The following XIRP2 variants were observed in gnomAD, a reference collection of about 807,000 sequenced individuals.
XIRP2 encodes the protein xin actin-binding repeat-containing protein 2.
Under a neutral mutation model 277.0 loss-of-function variants are expected in XIRP2, and 236 were observed. The observed-to-expected ratio is 0.85, with a 90% CI of 0.77 to 0.95. XIRP2 has a LOEUF of 0.95. Among genes scored for constraint, XIRP2 ranks in the 40% least tolerant of loss-of-function variants. XIRP2 has a pLI of 0.00. For synonymous variants in XIRP2, 1,490 were observed against 1,416.5 expected, an observed-to-expected ratio of 1.05 and a Z score of -1.17; for missense variants, 4,640 against 4,157.5, an observed-to-expected ratio of 1.12 and a Z score of -3.19.
At chr2:167,112,937 G>A (rs911062708) in intron 2 of XIRP2, among the ~76,000 whole-genome samples, 11 of 152,072 alleles carry the variant, frequency 7.2e-5, no homozygotes, top group Non-Finnish European at 1.0e-4. Flanking sequence ...TTACAGGCAC[G>A]AACCACCATG....
intron 2 of XIRP2, among the ~76,000 whole-genome samples, chr2:167,095,945 C>T (rs917155565): frequency 1.5e-5 from 2 of 131,316 alleles, no homozygotes; most frequent in African/African-American, 5.4e-5. Flanking sequence ...ATGATCTTGG[C>T]TCACTGCAAG....
intron 3 of XIRP2, among the ~76,000 whole-genome samples, chr2:167,190,391 C>T (rs954853882): frequency 1.3e-5 from 2 of 152,162 alleles, no homozygotes; most frequent in Non-Finnish European, 2.9e-5. Context: ...CTACCCCCCA[C>T]TCCTGACTGC....
At chr2:166,982,110 T>C (rs552278381) in intron 2 of XIRP2, among the ~76,000 whole-genome samples, 9 of 152,274 alleles carry the variant, frequency 5.9e-5, no homozygotes, top group Non-Finnish European at 8.8e-5. Flanking sequence ...ATATTTTCAA[T>C]GAACATAGAA....
At chr2:167,084,665 C>T (rs553271681) in intron 2 of XIRP2, among the ~76,000 whole-genome samples, 59 of 152,084 alleles carry the variant, frequency 3.9e-4, no homozygotes, top group Non-Finnish European at 7.1e-4. Context: ...CTGGTTTAGT[C>T]TTGGGAGAGT....
rs11891966 is a variant in XIRP2, at chr2:166,957,945, C to T, written c.408+54055C>T. Among the ~76,000 whole-genome samples, 967 of 151,922 alleles carry T rather than the reference C, an allele frequency of 6.4e-3. 14 individuals carry two copies. The highest frequency in any genetic ancestry group is 0.022 in the African/African-American group (918 of 41,508). On this transcript the variant is annotated intron_variant, in intron 2 of 10. Coordinates refer to ENST00000409195, the MANE Select transcript of XIRP2 (RefSeq NM_152381.6). Reference sequence around the variant, plus strand: ...ACTTCCTGTGGTATCTTACATCCTTCTCTCAGTGTGATTGCTAGCTACTTC... The same window carrying T: ...ACTTCCTGTGGTATCTTACATCCTTTTCTCAGTGTGATTGCTAGCTACTTC...
In XIRP2 at chr2:167,218,803, A is replaced by G. The variant is rs191927794; in HGVS notation, c.858+503A>G. Reference sequence around the variant, plus strand: ...TAAAACCACATAATATGACCTCCAAATGTTATCTTATATAAATTTTTTTCC... The same window carrying G: ...TAAAACCACATAATATGACCTCCAAGTGTTATCTTATATAAATTTTTTTCC... On this transcript the variant is annotated intron_variant, in intron 5 of 10. Coordinates refer to ENST00000409195, the MANE Select transcript of XIRP2 (RefSeq NM_152381.6). 1.2e-4 allele frequency among the ~76,000 whole-genome samples: 19 copies of G among 152,216 alleles called. No individual in the cohort carries two copies. The South Asian group carries it at 1.5e-3, about 12-fold the overall frequency.
Position 167,244,290 on chromosome 2 carries a change from A to G in XIRP2, c.2898A>G (p.Ile966Met). Residue 966 changes from isoleucine (I) to methionine (M), a missense_variant, in exon 9 of 11, where the codon ATA (isoleucine) becomes ATG (methionine). Ile to Met is a conservative substitution (Grantham distance 10, BLOSUM62 1). Coordinates refer to ENST00000409195, the MANE Select transcript of XIRP2 (RefSeq NM_152381.6). ...TTAAATTTGATGCATCACATAAAAT[A>G]GAGGTGGAAGGAGTTACAAGAGGTG... ...NLIKFDASHK[I>M]EVEGVTRGAV... The G allele has an allele frequency of 6.2e-7, 1 of 1,613,882 alleles. No individual in the cohort carries two copies. Among genetic ancestry groups the G allele is most frequent in the Non-Finnish European group, 8.5e-7 (1 of 1,179,852 alleles).
chr2:167,242,687 G>A lies in XIRP2; in HGVS notation c.1295G>A (p.Ser432Asn), dbSNP rs1476372356. 4 of 1,614,104 alleles carry A rather than the reference G, an allele frequency of 2.5e-6. No individual in the cohort carries two copies. The South Asian group carries it at 4.4e-5, about 18-fold the overall frequency. ...TCAACTACAAGATATAGTGATCACA[G>A]TGTCACTTCCTCAACTCTGGCACAA... ...ETSTTRYSDHSVTSSTLAQIN... is the reference protein window; with the variant it reads ...ETSTTRYSDHNVTSSTLAQIN... The change falls in exon 9 of 11, where the codon AGT becomes AAT. Residue 432 changes from serine to asparagine, a missense_variant. By Grantham distance (46) the Ser-to-Asn change is conservative (BLOSUM62 1). Transcript: ENST00000409195.
chr2:167,203,162 G>A (rs73029714), intron 3 of XIRP2, among the ~76,000 whole-genome samples: 6,457 of 152,198 alleles, frequency 0.042, 203 homozygotes, highest in East Asian at 0.12. Flanking sequence ...ATGTAAGGTC[G>A]CATATTCATA....
intron 2 of XIRP2, among the ~76,000 whole-genome samples, chr2:166,936,766 A>G (rs2136968): frequency 0.99 from 149,555 of 151,498 alleles, 73,824 homozygotes; most frequent in East Asian, 1. Context: ...TGTTCCATTG[A>G]TCTATATCTC....
At chr2:167,143,001 G>A (rs1461803351) in intron 3 of XIRP2, among the ~76,000 whole-genome samples, 1 of 152,130 alleles carries the variant, frequency 6.6e-6, no homozygotes, top group Non-Finnish European at 1.5e-5. Flanking sequence ...AGGAACAAAG[G>A]CAGGAAGAGA....
chr2:166,903,467 C>A lies in XIRP2; in HGVS notation c.-16C>A. ...TAAAAGGATTCTTGATATTGCAGGA[C>A]AACCTGGACCCATCCATGTTCCCAA... On this transcript the variant is annotated splice_region_variant and 5_prime_UTR_variant, in exon 2 of 11. Transcript: ENST00000409195. The A allele has an allele frequency of 6.3e-7, 1 of 1,598,658 alleles. No homozygotes were observed. Among genetic ancestry groups the A allele is most frequent in the Non-Finnish European group, 8.5e-7 (1 of 1,170,844 alleles).
chr2:167,051,183 C>T (rs865814250), intron 2 of XIRP2, among the ~76,000 whole-genome samples: 1 of 152,054 alleles, frequency 6.6e-6, no homozygotes, highest in Non-Finnish European at 1.5e-5. Context: ...TTCACGAAGC[C>T]ATCTGCAGTG....
At chr2:167,232,363 G>C (rs149619836) in intron 5 of XIRP2, among the ~76,000 whole-genome samples, 1 of 151,824 alleles carries the variant, frequency 6.6e-6, no homozygotes, top group East Asian at 1.9e-4. Flanking sequence ...AGAATGGTTT[G>C]GAAGTGTCAC....
At chr2:167,133,459 C>A (rs1351221091) in intron 2 of XIRP2, among the ~76,000 whole-genome samples, 1 of 152,190 alleles carries the variant, frequency 6.6e-6, no homozygotes, top group African/African-American at 2.4e-5. Context: ...TGCCTCCGTA[C>A]AAGATGCACT....
Position 167,243,164 on chromosome 2 carries a change from A to C in XIRP2, c.1772A>C (p.Asn591Thr). Residue 591 changes from asparagine (N) to threonine (T), a missense_variant, in exon 9 of 11, where the codon AAT becomes ACT. Physicochemically the swap from Asn to Thr is moderately conservative, Grantham distance 65 (BLOSUM62 0). Transcript: ENST00000409195. The part of the protein sequence containing the change: ...FENQPLDSIN[N>T]GSPDEGDISR... Reference sequence around the variant, plus strand: ...AATCAACCATTGGATTCCATCAACAATGGCTCTCCTGATGAAGGTGATATT... The same window carrying C: ...AATCAACCATTGGATTCCATCAACACTGGCTCTCCTGATGAAGGTGATATT... The C allele has an allele frequency of 6.2e-7, 1 of 1,614,158 alleles. No homozygotes were observed. Among genetic ancestry groups the C allele is most frequent in the Non-Finnish European group, 8.5e-7 (1 of 1,179,998 alleles).
At chr2:166,950,841 G>T (rs1049661872) in intron 2 of XIRP2, among the ~76,000 whole-genome samples, 7 of 151,976 alleles carry the variant, frequency 4.6e-5, no homozygotes, top group African/African-American at 1.4e-4. Flanking sequence ...CAAATAGATA[G>T]ACAGTACAAA....
At chr2:167,206,461 G>C (rs1693854501) in intron 3 of XIRP2, among the ~76,000 whole-genome samples, 1 of 152,058 alleles carries the variant, frequency 6.6e-6, no homozygotes, top group Non-Finnish European at 1.5e-5. Context: ...CAAAATGCTT[G>C]AATATCTTTA....
chr2:167,226,824 A>G (rs1481590287), intron 5 of XIRP2, among the ~76,000 whole-genome samples: 1 of 152,072 alleles, frequency 6.6e-6, no homozygotes, highest in Non-Finnish European at 1.5e-5. Context: ...AGCTTCCGAA[A>G]CATCACCTCC....
Sources: allele counts gnomAD v4.1 joint callset (sites outside exome capture counted in the v4.1 genomes callset), GRCh38; gene constraint gnomAD v4.1.1; transcripts MANE v1.5; gene names NCBI Gene and HGNC (gene_info 2026-07-23, HGNC 2026-07-21).